PEX2: variants seen among roughly 807,000 people sequenced by gnomAD.
PEX2 encodes peroxisomal biogenesis factor 2, also known as peroxisome biogenesis factor 2.
PEX2 carries 19 observed loss-of-function variants against 25.2 expected under a neutral mutation model. The observed-to-expected ratio is 0.75, with a 90% CI of 0.53 to 1.10. The LOEUF (loss-of-function observed/expected upper bound fraction) is 1.10, where lower values mean the gene tolerates loss of function less well. Ranked by LOEUF, PEX2 falls within the 50% of genes least tolerant of loss-of-function variation. PEX2 has a pLI of 0.00. For missense variants in PEX2, 347 were observed against 350.6 expected (o/e 0.99, Z 0.08); for synonymous variants, 141 against 127.7 (o/e 1.10, Z -0.70).
chr8:76,998,505 A>C (rs1458308791), intron 1 of PEX2, among the ~76,000 whole-genome samples: 2 of 152,242 alleles, frequency 1.3e-5, no homozygotes, highest in Non-Finnish European at 2.9e-5. Context: ...TGTAGCTTTT[A>C]GAAATAAATT....
intron 1 of PEX2, among the ~76,000 whole-genome samples, chr8:76,991,231 C>T (rs1014129613): frequency 3.9e-5 from 6 of 152,160 alleles, no homozygotes; most frequent in African/African-American, 1.4e-4. Flanking sequence ...CACTTAAAAA[C>T]ATTCAGTAAA....
Position 76,981,473 on chromosome 8 carries a change from AAC to A in PEX2, c.*1786_*1787del, listed in dbSNP as rs1447771962. On this transcript the variant is annotated 3_prime_UTR_variant, in exon 4 of 4. Coordinates refer to ENST00000357039, the MANE Select transcript of PEX2 (RefSeq NM_000318.3). ...GTGAGGCCCTTTCTCACCAAAAACA[AAC>A]AAACAAACAAAAAACAAAGACGTTT... The A allele has an allele frequency of 1.3e-5, 2 of 152,160 alleles. No homozygotes were observed. Among genetic ancestry groups the A allele is most frequent in the African/African-American group, 4.8e-5 (2 of 41,432 alleles). The allele number at this position is 152,160 out of a possible 1,614,324, so 9.4% of individuals were successfully genotyped here.
chr8:76,986,987 T>C (rs868125209), intron 2 of PEX2, among the ~76,000 whole-genome samples: 2 of 152,202 alleles, frequency 1.3e-5, no homozygotes, highest in South Asian at 2.1e-4. Context: ...AAGTCTGGGA[T>C]GTGTGAAGGA....
At chr8:76,990,278 ATCT>A (rs34249751) in intron 1 of PEX2, among the ~76,000 whole-genome samples, 49,689 of 151,802 alleles carry the variant, frequency 0.33, 8,475 homozygotes, top group East Asian at 0.46. Flanking sequence ...GGCTGGTTTG[ATCT>A]TCTATCTAGA....
intron 1 of PEX2, among the ~76,000 whole-genome samples, chr8:76,997,208 T>C (rs192031059): frequency 2.6e-5 from 4 of 152,270 alleles, no homozygotes; most frequent in Non-Finnish European, 4.4e-5. Flanking sequence ...AAGAACCATG[T>C]CAAATCTGAA....
intron 1 of PEX2, among the ~76,000 whole-genome samples, chr8:76,996,892 A>G (rs952559529): frequency 1.3e-5 from 2 of 152,228 alleles, no homozygotes; most frequent in East Asian, 3.9e-4. Context: ...TTAACAACCC[A>G]TCTAAAGTCA....
intron 2 of PEX2, among the ~76,000 whole-genome samples, chr8:76,987,132 T>C (rs1807027415): frequency 6.6e-6 from 1 of 152,232 alleles, no homozygotes; most frequent in Non-Finnish European, 1.5e-5. Flanking sequence ...GCTAGTGATA[T>C]AATGGTACAA....
chr8:76,983,153 TAGG>T lies in PEX2; in HGVS notation c.*105_*107del, dbSNP rs1806885829. The T allele has an allele frequency of 1.3e-6, 2 of 1,587,382 alleles. No homozygotes were observed. The highest frequency in any genetic ancestry group is 2.7e-5 in the African/African-American group (2 of 74,742). ...TGCCTGGAAAGGAGAAGACAGTGGC[TAGG>T]AGCACATTCCTTATAAAGGATACAT... is the stretch of plus-strand genomic sequence containing the variant. On this transcript the variant is annotated 3_prime_UTR_variant, in exon 4 of 4. Transcript: ENST00000357039.
Position 76,980,598 on chromosome 8 carries a change from A to T in PEX2, c.*2663T>A, listed in dbSNP as rs28435921. 77,945 of 152,020 alleles carry T rather than the reference A, an allele frequency of 0.51. 21,288 individuals are homozygous for T. The highest frequency in any genetic ancestry group is 0.63 in the Admixed American group (9,552 of 15,278). The allele number at this position is 152,020 out of a possible 1,614,324, so 9.4% of individuals were successfully genotyped here. On this transcript the variant is annotated 3_prime_UTR_variant, in exon 4 of 4. Transcript: ENST00000357039. ...GTGGCTGGTTCAGGAATGTGCACATAATCCAAGGCAGACCAGTAACAGTGA... is the reference window on the plus strand; with the variant it reads ...GTGGCTGGTTCAGGAATGTGCACATTATCCAAGGCAGACCAGTAACAGTGA...
At chr8:77,000,536 G>C (rs1159533818), upstream of PEX2, among the ~76,000 whole-genome samples, 3 of 152,228 alleles carry the variant, frequency 2.0e-5, no homozygotes, top group African/African-American at 7.2e-5. Flanking sequence ...CTGAGGGATG[G>C]CCTGGTGGGG....
In PEX2 at chr8:76,980,976, G is replaced by T. The variant is rs1166635396; in HGVS notation, c.*2285C>A. The T allele has an allele frequency of 6.6e-6, 1 of 152,142 alleles. No homozygotes were observed. The highest frequency in any genetic ancestry group is 1.5e-5 in the Non-Finnish European group (1 of 68,030). 9.4% of individuals were successfully genotyped at this position (152,142 alleles called of 1,614,324 possible). A position where few individuals can be genotyped will look rare whatever the true frequency, so the allele number is the denominator to read the frequency against. On this transcript the variant is annotated 3_prime_UTR_variant, in exon 4 of 4. Transcript: ENST00000357039. ...CTCATCAAAAAAATGAGAGCCAAAG[G>T]ATAAAGCCTGTCTCAAAGAGAACCA... is the stretch of plus-strand genomic sequence containing the variant.
In PEX2 at chr8:76,999,816, C is replaced by T. The variant is rs879533851; in HGVS notation, c.-160+174G>A. The T allele has an allele frequency of 6.4e-5, 29 of 456,622 alleles. 2 individuals are homozygous for T. The Admixed American group carries it at 6.8e-4, about 11-fold the overall frequency. The allele number at this position is 456,622 out of a possible 1,614,324, so 28.3% of individuals were successfully genotyped here. ...TCTTTAGGAGTTTAGGTTTGCTTCA[C>T]TGCCTTTCCCAAAATTCAGCAGCTT... On this transcript the variant is annotated intron_variant, in intron 1 of 3. Transcript: ENST00000357039.
chr8:76,983,974 T>C lies in PEX2; in HGVS notation c.205A>G (p.Ile69Val), dbSNP rs747866716. Residue 69 changes from isoleucine to valine, a missense_variant, in exon 4 of 4, where the codon ATC becomes GTC. By Grantham distance (29) the Ile-to-Val change is conservative (BLOSUM62 3). Transcript: ENST00000357039. ...CLWVFLWRFT[I>V]YSKNATVGQS... Reference sequence around the variant, plus strand: ...CCCACTGTGGCATTTTTGGAGTAGATGGTGAATCTCCACAAGAAAACCCAT... The same window carrying C: ...CCCACTGTGGCATTTTTGGAGTAGACGGTGAATCTCCACAAGAAAACCCAT... 19 of 1,614,030 alleles carry C rather than the reference T, an allele frequency of 1.2e-5. No individual in the cohort carries two copies. Among genetic ancestry groups the C allele is most frequent in the Admixed American group, 1.7e-5 (1 of 60,008 alleles).
In PEX2 at chr8:76,981,312, A is replaced by G. The variant is rs1806818715; in HGVS notation, c.*1949T>C. On this transcript the variant is annotated 3_prime_UTR_variant, in exon 4 of 4. Transcript: ENST00000357039. ...AAAGTGAGACCTCATCTCTACAAAA[A>G]TTAGCCAGGCATGGTGGTATGGGCC... 1 of 152,148 alleles carries G rather than the reference A, an allele frequency of 6.6e-6. No homozygotes were observed. Among genetic ancestry groups the G allele is most frequent in the Admixed American group, 6.5e-5 (1 of 15,268 alleles). 9.4% of individuals were successfully genotyped at this position (152,148 alleles called of 1,614,324 possible).
chr8:76,987,539 G>A (rs1166657580), intron 2 of PEX2, among the ~76,000 whole-genome samples: 2 of 152,124 alleles, frequency 1.3e-5, no homozygotes, highest in African/African-American at 2.4e-5. Context: ...ATAGTGGTAC[G>A]CAAATAACTA....
intron 1 of PEX2, among the ~76,000 whole-genome samples, chr8:76,989,369 C>T: frequency 6.6e-6 from 1 of 152,166 alleles, no homozygotes; most frequent in Non-Finnish European, 1.5e-5. Flanking sequence ...GAATCAACTT[C>T]TTACAAACTC....
At chr8:76,984,653 A>C (rs1465836283) in intron 3 of PEX2, among the ~76,000 whole-genome samples, 2 of 152,186 alleles carry the variant, frequency 1.3e-5, no homozygotes, top group Non-Finnish European at 2.9e-5. Context: ...TGGTTAAGTC[A>C]AGACCTCAGT....
At chr8:76,999,286 G>A (rs1807425384) in intron 1 of PEX2, among the ~76,000 whole-genome samples, 1 of 152,160 alleles carries the variant, frequency 6.6e-6, no homozygotes, top group South Asian at 2.1e-4. Context: ...AGACTTGAAC[G>A]TTCAACAGCT....
rs1806884069 is a variant in PEX2 at position 76,983,097 on chromosome 8, C to T, written c.*164G>A. 3 of 1,460,330 alleles carry T rather than the reference C, an allele frequency of 2.1e-6. No individual in the cohort carries two copies. Among genetic ancestry groups the T allele is most frequent in the South Asian group, 2.8e-5 (2 of 72,446 alleles). The allele number at this position is 1,460,330 out of a possible 1,614,324, so 90.5% of individuals were successfully genotyped here. A position where few individuals can be genotyped will look rare whatever the true frequency, so the allele number is the denominator to read the frequency against. On this transcript the variant is annotated 3_prime_UTR_variant, in exon 4 of 4. Coordinates refer to ENST00000357039, the MANE Select transcript of PEX2 (RefSeq NM_000318.3). ...AACATTTACATAATATATTTAGAAT[C>T]ACATGGTTTCCAGTGATTAGATTTC...
Sources: gnomAD v4.1 joint callset for allele counts (sites outside exome capture counted in the v4.1 genomes callset) on GRCh38, gnomAD v4.1.1 for gene constraint, MANE v1.5 for transcripts, NCBI Gene and HGNC (gene_info 2026-07-23, HGNC 2026-07-21) for gene names.